DNAH7: variants seen among roughly 807,000 people sequenced by gnomAD.
DNAH7 encodes axonemal beta dynein heavy chain 7.
A neutral mutation model predicts 444.6 loss-of-function variants in DNAH7; 397 were observed. That is an observed-to-expected ratio of 0.89 (90% CI 0.82 to 0.97). The LOEUF is 0.97. DNAH7 is among the 50% of genes least tolerant of loss of function. The pLI is 0.00. For synonymous variants in DNAH7, 1,636 were observed against 1,624.4 expected (o/e 1.01, Z -0.17); for missense variants, 4,902 against 4,800.8 (o/e 1.02, Z -0.62).
intron 2 of DNAH7, among the ~76,000 whole-genome samples, chr2:196,055,722 C>T (rs1038433274): frequency 2.6e-5 from 4 of 152,108 alleles, no homozygotes; most frequent in African/African-American, 9.7e-5. Flanking sequence ...GTCCAAGTGC[C>T]CTGGAATTTT....
intron 58 of DNAH7, among the ~76,000 whole-genome samples, chr2:195,779,161 T>C (rs1043327833): frequency 7.9e-5 from 12 of 152,308 alleles, no homozygotes; most frequent in Non-Finnish European, 2.9e-5. Flanking sequence ...CACTTTTTTT[T>C]CCACAAATTC....
chr2:195,915,847 A>G (rs991346805), intron 24 of DNAH7, among the ~76,000 whole-genome samples: 2 of 152,234 alleles, frequency 1.3e-5, no homozygotes, highest in African/African-American at 4.8e-5. Context: ...TCTTCAAGCT[A>G]GGCTACATTC....
rs775270187 is a variant in DNAH7, at chr2:195,934,565, T to C, written c.3471+26A>G. On this transcript the variant is annotated intron_variant, in intron 21 of 64. Transcript: ENST00000312428. ...ACATTCATATTCTAGCATCCTTTTCTAAAAATCATCAGTATAATCAGCTAC... is the reference window on the plus strand; with the variant it reads ...ACATTCATATTCTAGCATCCTTTTCCAAAAATCATCAGTATAATCAGCTAC... 3 of 1,602,090 alleles carry C rather than the reference T, an allele frequency of 1.9e-6. No homozygotes were observed. In the African/African-American group the frequency reaches 4.0e-5, roughly 21 times the overall value.
intron 20 of DNAH7, 130 bp from the exon 21 acceptor site, chr2:195,934,919 C>T (rs889892854): frequency 2.1e-6 from 2 of 973,182 alleles, no homozygotes; most frequent in African/African-American, 3.3e-5. Flanking sequence ...AACCGGAAAC[C>T]CCCAAAACAA....
intron 17 of DNAH7, among the ~76,000 whole-genome samples, chr2:195,966,045 ATTTT>A: frequency 6.6e-6 from 1 of 150,824 alleles, no homozygotes; most frequent in African/African-American, 2.4e-5. Flanking sequence ...GCATAATTAG[ATTTT>A]TTTGTTTGTT....
chr2:195,912,191 T>C (rs775705380), intron 24 of DNAH7, among the ~76,000 whole-genome samples: 1 of 152,130 alleles, frequency 6.6e-6, no homozygotes, highest in East Asian at 1.9e-4. Context: ...TCTCTCTGTA[T>C]GGTGGAAGAA....
At chr2:195,894,921 T>G in intron 30 of DNAH7, 55 bp downstream of exon 30, 1 of 1,472,542 alleles carries the variant, frequency 6.8e-7, no homozygotes, top group Non-Finnish European at 9.1e-7. Flanking sequence ...AATGGTACAT[T>G]CTACCTTGCA....
intron 4 of DNAH7, 143 bp downstream of exon 4, chr2:196,048,153 G>T: frequency 3.6e-6 from 2 of 563,046 alleles, no homozygotes; most frequent in South Asian, 3.6e-5. Flanking sequence ...ATTTTCTGAG[G>T]GAAGATGTAT....
In DNAH7 at chr2:195,740,711, A is replaced by G. The variant is rs535142224; in HGVS notation, c.11868+55T>C. On this transcript the variant is annotated intron_variant, in intron 64 of 64. Transcript: ENST00000312428. Reference sequence around the variant, plus strand: ...ATATGGGGTCTATTTTATATATAATATATAAAATATGTATAAAATAATTCC... The same window carrying G: ...ATATGGGGTCTATTTTATATATAATGTATAAAATATGTATAAAATAATTCC... The G allele has an allele frequency of 9.7e-5, 65 of 669,346 alleles. No homozygotes were observed. In the African/African-American group the frequency reaches 1.0e-3, roughly 11 times the overall value. The allele number at this position is 669,346 out of a possible 1,614,324, so 41.5% of individuals were successfully genotyped here. A position where few individuals can be genotyped will look rare whatever the true frequency, so the allele number is the denominator to read the frequency against.
chr2:195,999,146 A>G (rs1313607924), intron 12 of DNAH7: 1 of 717,360 alleles, frequency 1.4e-6, no homozygotes, highest in South Asian at 1.5e-5. Context: ...ACAATCTTAA[A>G]ATGAGAGTTC....
At chr2:196,025,215 C>T (rs1412354258) in intron 7 of DNAH7, among the ~76,000 whole-genome samples, 1 of 152,068 alleles carries the variant, frequency 6.6e-6, no homozygotes, top group Non-Finnish European at 1.5e-5. Context: ...AACAGTATTG[C>T]CTTGTTCTCT....
At position 195,740,739 on chromosome 2, in the gene DNAH7, A is replaced by T. The variant is rs557366529; in HGVS notation, c.11868+27T>A. On this transcript the variant is annotated intron_variant, in intron 64 of 64. Coordinates refer to ENST00000312428, the MANE Select transcript of DNAH7 (RefSeq NM_018897.3). ...TAAAATATGTATAAAATAATTCCAC[A>T]TGTATATATAATTAGAATTTACTAA... 5.3e-6 allele frequency: 6 copies of T among 1,125,106 alleles called. No homozygotes were observed. The South Asian group carries it at 1.5e-4, about 27-fold the overall frequency. The allele number at this position is 1,125,106 out of a possible 1,614,324, so 69.7% of individuals were successfully genotyped here. A position where few individuals can be genotyped will look rare whatever the true frequency, so the allele number is the denominator to read the frequency against.
At chr2:195,865,867 G>GCT (rs1454219267) in intron 40 of DNAH7, among the ~76,000 whole-genome samples, 1 of 152,062 alleles carries the variant, frequency 6.6e-6, no homozygotes, top group East Asian at 1.9e-4. Flanking sequence ...GCATTAAAGC[G>GCT]CTCTCTCCCT....
chr2:196,008,770 T>C (rs1694540717), intron 10 of DNAH7, among the ~76,000 whole-genome samples: 1 of 152,180 alleles, frequency 6.6e-6, no homozygotes, highest in Non-Finnish European at 1.5e-5. Flanking sequence ...CAGGCACCTC[T>C]GGGTGGAAGA....
intron 10 of DNAH7, among the ~76,000 whole-genome samples, chr2:196,010,496 C>T (rs1280642146): frequency 6.6e-6 from 1 of 152,110 alleles, no homozygotes; most frequent in African/African-American, 2.4e-5. Context: ...TGTACAACCA[C>T]TAGAGAGAAC....
intron 8 of DNAH7, among the ~76,000 whole-genome samples, chr2:196,020,392 T>C (rs914282728): frequency 2.0e-5 from 3 of 152,194 alleles, no homozygotes; most frequent in Admixed American, 1.3e-4. Context: ...TATTGAAATG[T>C]GCCATCTTCA....
At chr2:196,023,155 A>G (rs915449832) in intron 8 of DNAH7, among the ~76,000 whole-genome samples, 1 of 152,130 alleles carries the variant, frequency 6.6e-6, no homozygotes, top group Admixed American at 6.5e-5. Context: ...CTATCCTCGC[A>G]ATGGTAAGTT....
chr2:195,869,169 A>G (rs1031077039), intron 40 of DNAH7, among the ~76,000 whole-genome samples: 1 of 151,862 alleles, frequency 6.6e-6, no homozygotes, highest in Non-Finnish European at 1.5e-5. Context: ...TCCCTTCTAG[A>G]GTGCTTCCCA....
intron 12 of DNAH7, chr2:195,999,068 C>T (rs1455066210): frequency 1.4e-6 from 1 of 715,636 alleles, no homozygotes. Context: ...AACAAAGCCT[C>T]AAGGTCGAGC....
Sources: allele counts gnomAD v4.1 joint callset (sites outside exome capture counted in the v4.1 genomes callset), GRCh38; gene constraint gnomAD v4.1.1; transcripts MANE v1.5; gene names NCBI Gene and HGNC (gene_info 2026-07-23, HGNC 2026-07-21).